EDIL3: variants seen among roughly 807,000 people sequenced by gnomAD.
The protein encoded by EDIL3 is EGF like and discoidin domains 3, also known as EGF-like repeat and discoidin I-like domain-containing protein 3.
A neutral mutation model predicts 67.4 loss-of-function variants in EDIL3; 37 were observed. The observed-to-expected ratio is 0.55, with a 90% CI of 0.42 to 0.72. The LOEUF (loss-of-function observed/expected upper bound fraction) is 0.72, where lower values mean the gene tolerates loss of function less well. Among genes scored for constraint, EDIL3 ranks in the 30% least tolerant of loss-of-function variants. EDIL3 has a pLI of 0.00. For synonymous variants in EDIL3, 195 were observed against 196.3 expected (o/e 0.99, Z 0.05); for missense variants, 527 against 586.3 (o/e 0.90, Z 1.04).
At chr5:84,201,882 T>C (rs113452673) in intron 3 of EDIL3, among the ~76,000 whole-genome samples, 1,580 of 152,202 alleles carry the variant, frequency 0.01, 33 homozygotes, top group African/African-American at 0.036. Flanking sequence ...CTTCATGCTA[T>C]GATTAAGTAA....
chr5:84,277,434 T>G (rs980182097), intron 1 of EDIL3, among the ~76,000 whole-genome samples: 3 of 152,232 alleles, frequency 2.0e-5, no homozygotes, highest in Non-Finnish European at 2.9e-5. Flanking sequence ...CAGTCTATAT[T>G]ATTTTGTTAC....
At chr5:84,335,467 G>A (rs547129237) in intron 1 of EDIL3, among the ~76,000 whole-genome samples, 103 of 151,980 alleles carry the variant, frequency 6.8e-4, no homozygotes, top group African/African-American at 2.1e-3. Flanking sequence ...TATTTGTATC[G>A]GAAGGCAAGC....
intron 3 of EDIL3, among the ~76,000 whole-genome samples, chr5:84,217,140 CAAAAAAAAA>C (rs33931531): frequency 7.3e-6 from 1 of 136,140 alleles, no homozygotes; most frequent in Non-Finnish European, 1.6e-5. Flanking sequence ...CAAGGACAGC[CAAAAAAAAA>C]AAAAAAAATG....
intron 1 of EDIL3, among the ~76,000 whole-genome samples, chr5:84,262,116 G>A (rs1426393687): frequency 1.3e-5 from 2 of 152,138 alleles, no homozygotes; most frequent in Admixed American, 1.3e-4. Context: ...ACAGTTTCTA[G>A]AATTGAAAAG....
rs1216522677 is a variant in EDIL3, at chr5:84,004,778, T to G, written c.1138-41418A>C. 2.6e-5 allele frequency among the ~76,000 whole-genome samples: 4 copies of G among 151,980 alleles called. No individual in the cohort carries two copies. In the East Asian group the frequency reaches 5.8e-4, roughly 22 times the overall value. On this transcript the variant is annotated intron_variant, in intron 9 of 10. Transcript: ENST00000296591. ...AACCTAACATCACATCTAGAGGAACTAGAACAACAAGAGCAAACCAACCCC... is the reference window on the plus strand; with the variant it reads ...AACCTAACATCACATCTAGAGGAACGAGAACAACAAGAGCAAACCAACCCC...
At chr5:84,132,926 TTTTG>T (rs912036237) in intron 5 of EDIL3, among the ~76,000 whole-genome samples, 12 of 152,008 alleles carry the variant, frequency 7.9e-5, no homozygotes, top group East Asian at 5.8e-4. Context: ...CCAAGTGTTT[TTTTG>T]TTTGTTTGTT....
chr5:84,098,289 C>G (rs1580325888), intron 6 of EDIL3, among the ~76,000 whole-genome samples: 2 of 151,940 alleles, frequency 1.3e-5, no homozygotes, highest in East Asian at 3.9e-4. Context: ...TTGTCATACA[C>G]CTGAAAGATT....
At chr5:84,215,143 T>C (rs73140569) in intron 3 of EDIL3, among the ~76,000 whole-genome samples, 8,094 of 152,314 alleles carry the variant, frequency 0.053, 703 homozygotes, top group African/African-American at 0.18. Flanking sequence ...CAAACACTTG[T>C]TCTAGAAGGA....
intron 1 of EDIL3, among the ~76,000 whole-genome samples, chr5:84,311,563 T>A (rs1388812268): frequency 6.6e-6 from 1 of 151,918 alleles, no homozygotes; most frequent in Non-Finnish European, 1.5e-5. Context: ...CCAGTTTTTT[T>A]TTTTATTTTT....
At chr5:84,159,331 C>A (rs1748562772) in intron 4 of EDIL3, among the ~76,000 whole-genome samples, 2 of 151,930 alleles carry the variant, frequency 1.3e-5, no homozygotes, top group South Asian at 2.1e-4. Flanking sequence ...GAAATTTTAT[C>A]GTGTTTCAAA....
rs529403816 is a variant in EDIL3, at chr5:84,307,576, T to G, written c.68-53364A>C. ...ACATTTGAAACATTGCGCCAGCAAC[T>G]GTAGGCTGCATACATTGGGTCAAGG... On this transcript the variant is annotated intron_variant, in intron 1 of 10. Transcript: ENST00000296591. Among the ~76,000 whole-genome samples, 3 of 152,318 alleles carry G rather than the reference T, an allele frequency of 2.0e-5. No individual in the cohort carries two copies. In the East Asian group the frequency reaches 5.8e-4, roughly 29 times the overall value.
At chr5:84,280,507 T>C (rs1745673143) in intron 1 of EDIL3, among the ~76,000 whole-genome samples, 1 of 152,168 alleles carries the variant, frequency 6.6e-6, no homozygotes, top group South Asian at 2.1e-4. Flanking sequence ...TCTGTGAATA[T>C]ATTTTTTAAA....
intron 6 of EDIL3, among the ~76,000 whole-genome samples, chr5:84,087,549 G>T (rs1747094469): frequency 6.6e-6 from 1 of 152,150 alleles, no homozygotes; most frequent in Non-Finnish European, 1.5e-5. Context: ...AATATTCTCA[G>T]TCTTGGGGAT....
At chr5:84,206,867 C>T (rs1743991342) in intron 3 of EDIL3, among the ~76,000 whole-genome samples, 1 of 152,184 alleles carries the variant, frequency 6.6e-6, no homozygotes, top group Admixed American at 6.5e-5. Context: ...TAAAAACTCT[C>T]AATAAATTAG....
chr5:84,089,041 C>T (rs1747119980), intron 6 of EDIL3, among the ~76,000 whole-genome samples: 1 of 152,170 alleles, frequency 6.6e-6, no homozygotes. Flanking sequence ...GAGCTATAGT[C>T]TCAGAAACTG....
At chr5:84,217,140 CAAAAA>C (rs33931531) in intron 3 of EDIL3, among the ~76,000 whole-genome samples, 1 of 136,140 alleles carries the variant, frequency 7.3e-6, no homozygotes, top group African/African-American at 2.7e-5. Flanking sequence ...CAAGGACAGC[CAAAAA>C]AAAAAAAAAA....
At chr5:84,141,211 A>G (rs1010345279) in intron 4 of EDIL3, among the ~76,000 whole-genome samples, 22 of 151,716 alleles carry the variant, frequency 1.5e-4, no homozygotes, top group African/African-American at 4.6e-4. Context: ...AGAAATTTCC[A>G]TATTTGGTCA....
chr5:84,278,976 C>T lies in EDIL3; in HGVS notation c.68-24764G>A, dbSNP rs573130683. Among the ~76,000 whole-genome samples the T allele has an allele frequency of 2.0e-5, 3 of 152,120 alleles. No individual in the cohort carries two copies. In the South Asian group the frequency reaches 6.2e-4, roughly 32 times the overall value. Reference sequence around the variant, plus strand: ...TTCACCACCCCCTCCCCTAGATTTACTACTTTTAGCCTTGTTACCTTGGTA... The same window carrying T: ...TTCACCACCCCCTCCCCTAGATTTATTACTTTTAGCCTTGTTACCTTGGTA... On this transcript the variant is annotated intron_variant, in intron 1 of 10. Coordinates refer to ENST00000296591, the MANE Select transcript of EDIL3 (RefSeq NM_005711.5).
At chr5:83,971,513 C>T (rs746476955) in intron 9 of EDIL3, among the ~76,000 whole-genome samples, 4 of 151,942 alleles carry the variant, frequency 2.6e-5, no homozygotes, top group Non-Finnish European at 5.9e-5. Context: ...AGCAATCCTC[C>T]ACCCTTAGCC....
Sources: gnomAD v4.1 joint callset for allele counts (sites outside exome capture counted in the v4.1 genomes callset) on GRCh38, gnomAD v4.1.1 for gene constraint, MANE v1.5 for transcripts, NCBI Gene and HGNC (gene_info 2026-07-23, HGNC 2026-07-21) for gene names.